HDX: variants seen among roughly 807,000 people sequenced by gnomAD.
The protein encoded by HDX is highly divergent homeobox, also known as chromosome X open reading frame 43.
A neutral mutation model predicts 45.2 loss-of-function variants in HDX; 19 were observed. The ratio of observed to expected loss-of-function variants is 0.42; its 90% confidence interval spans 0.29 to 0.62. The LOEUF (loss-of-function observed/expected upper bound fraction) is 0.62. HDX is among the 20% of genes least tolerant of loss of function. The probability of loss-of-function intolerance (pLI) is 0.20; values close to 1 mark genes in which losing one functional copy is unlikely to be tolerated. For missense variants in HDX, 532 were observed against 493.9 expected (o/e 1.08, Z -0.73); for synonymous variants, 188 against 172.8 (o/e 1.09, Z -0.69).
intron 6 of HDX, among the ~76,000 whole-genome samples, chrX:84,353,681 T>C (rs1038894493): frequency 9.0e-6 from 1 of 111,710 alleles, no homozygotes; most frequent in Non-Finnish European, 1.9e-5. Flanking sequence ...TCTAGGTGTG[T>C]CCCTGAGATT....
chrX:84,464,428 C>A (rs779610762), intron 4 of HDX, among the ~76,000 whole-genome samples: 2 of 111,526 alleles, frequency 1.8e-5, no homozygotes, highest in Non-Finnish European at 3.8e-5. Context: ...TCAAACTACA[C>A]TACAAGGCTA....
intron 1 of HDX, among the ~76,000 whole-genome samples, chrX:84,491,572 T>C (rs1418801287): frequency 2.7e-5 from 3 of 111,852 alleles, no homozygotes; most frequent in African/African-American, 9.7e-5. Flanking sequence ...TTTCTTTGCA[T>C]GCTTGGTAAT....
intron 9 of HDX, among the ~76,000 whole-genome samples, chrX:84,328,901 C>A (rs1363789554): frequency 1.8e-5 from 2 of 111,968 alleles, no homozygotes; most frequent in African/African-American, 6.5e-5. Context: ...TGATTTTATA[C>A]ATTTTAGAAA....
intron 5 of HDX, among the ~76,000 whole-genome samples, chrX:84,386,057 A>G (rs1306214637): frequency 9.1e-6 from 1 of 110,057 alleles, no homozygotes; most frequent in Non-Finnish European, 1.9e-5. Context: ...GAAGGTTTTT[A>G]TCATGAAGAA....
intron 5 of HDX, among the ~76,000 whole-genome samples, chrX:84,430,173 C>T (rs963430243): frequency 9.0e-6 from 1 of 110,790 alleles, no homozygotes; most frequent in South Asian, 3.7e-4. Flanking sequence ...TCATCCCTTT[C>T]GCTTTACTAT....
intron 4 of HDX, among the ~76,000 whole-genome samples, chrX:84,467,397 TG>T (rs1424982705): frequency 2.7e-5 from 3 of 110,122 alleles, no homozygotes; most frequent in African/African-American, 9.9e-5. Flanking sequence ...GAGGCTGAGG[TG>T]GGCGGATCAT....
intron 4 of HDX, among the ~76,000 whole-genome samples, chrX:84,462,288 T>C (rs1362359837): frequency 2.7e-5 from 3 of 111,866 alleles, no homozygotes; most frequent in Non-Finnish European, 5.7e-5. Flanking sequence ...AACAGGTGAA[T>C]AGATAAAGAA....
chrX:84,424,026 A>G (rs773048919), intron 5 of HDX, among the ~76,000 whole-genome samples: 6 of 111,648 alleles, frequency 5.4e-5, no homozygotes, highest in African/African-American at 2.0e-4. Flanking sequence ...GAAGAAGTCA[A>G]ATTATGCTTG....
chrX:84,373,648 A>C (rs1953950125), intron 5 of HDX, among the ~76,000 whole-genome samples: 1 of 111,315 alleles, frequency 9.0e-6, no homozygotes, highest in East Asian at 2.8e-4. Context: ...ACAGAACCAA[A>C]GACAAAAACC....
intron 2 of HDX, among the ~76,000 whole-genome samples, chrX:84,485,654 T>A (rs1457308413): frequency 8.9e-6 from 1 of 112,233 alleles, no homozygotes; most frequent in Non-Finnish European, 1.9e-5. Flanking sequence ...CTCCTTGGCC[T>A]CCCAAAGTGC....
intron 1 of HDX, among the ~76,000 whole-genome samples, chrX:84,493,815 C>T: frequency 9.0e-6 from 1 of 110,615 alleles, no homozygotes. Flanking sequence ...TGACTATAGT[C>T]AAAATAATTT....
chrX:84,326,926 A>AAG (rs1265515590), intron 9 of HDX, among the ~76,000 whole-genome samples: 5 of 110,375 alleles, frequency 4.5e-5, no homozygotes, highest in African/African-American at 1.6e-4. Flanking sequence ...AAAAAAAAAA[A>AAG]AAAAGATTAG....
intron 6 of HDX, among the ~76,000 whole-genome samples, chrX:84,345,775 A>G (rs1380678133): frequency 8.9e-6 from 1 of 111,766 alleles, no homozygotes; most frequent in East Asian, 2.8e-4. Context: ...CCAGTTTCTT[A>G]GCATTCTTGC....
At chrX:84,436,360 A>G (rs900859452) in intron 5 of HDX, among the ~76,000 whole-genome samples, 1 of 108,202 alleles carries the variant, frequency 9.2e-6, no homozygotes, top group South Asian at 4.3e-4. Flanking sequence ...GCGCACCAGC[A>G]TGGCACATGT....
At chrX:84,370,978 C>A (rs760543955) in intron 5 of HDX, among the ~76,000 whole-genome samples, 1 of 112,129 alleles carries the variant, frequency 8.9e-6, no homozygotes, top group East Asian at 2.8e-4. Context: ...TTGTCAAAAA[C>A]AAAACAAAAC....
At chrX:84,337,545 A>G (rs2147784731) in intron 7 of HDX, among the ~76,000 whole-genome samples, 1 of 111,647 alleles carries the variant, frequency 9.0e-6, no homozygotes, top group Admixed American at 9.5e-5. Context: ...TTTCAAATCT[A>G]TGATATAAAA....
At chrX:84,486,317 T>C (rs2040788863) in intron 2 of HDX, among the ~76,000 whole-genome samples, 1 of 111,741 alleles carries the variant, frequency 8.9e-6, no homozygotes, top group Admixed American at 9.5e-5. Context: ...TCATACATAG[T>C]ACATCTCCAT....
chrX:84,351,039 CTAT>C (rs2037340760), intron 6 of HDX, among the ~76,000 whole-genome samples: 2 of 109,847 alleles, frequency 1.8e-5, no homozygotes, highest in Non-Finnish European at 3.8e-5. Context: ...ATCTATCTAT[CTAT>C]CTATCTATCT....
intron 5 of HDX, among the ~76,000 whole-genome samples, chrX:84,422,348 T>C (rs2039275302): frequency 9.0e-6 from 1 of 110,821 alleles, no homozygotes; most frequent in Non-Finnish European, 1.9e-5. Flanking sequence ...ACACAACATA[T>C]CCAAACCTAT....
Sources: gnomAD v4.1 joint callset for allele counts (sites outside exome capture counted in the v4.1 genomes callset) on GRCh38, gnomAD v4.1.1 for gene constraint, MANE v1.5 for transcripts, NCBI Gene and HGNC (gene_info 2026-07-23, HGNC 2026-07-21) for gene names.